The following PADI1 variants were observed in gnomAD, a reference collection of about 807,000 sequenced individuals.
PADI1 encodes protein-arginine deiminase type-1.
In PADI1, 65 loss-of-function variants were observed where a neutral mutation model predicts 74.8. The observed-to-expected ratio is 0.87, with a 90% CI of 0.71 to 1.07. The LOEUF (loss-of-function observed/expected upper bound fraction) is 1.07. Ranked by LOEUF, PADI1 falls within the 50% of genes least tolerant of loss-of-function variation. The pLI is 0.00. For synonymous variants in PADI1, 371 were observed against 336.2 expected (o/e 1.10, Z -1.13); for missense variants, 943 against 854.0 (o/e 1.10, Z -1.30).
In PADI1 at chr1:17,228,810, C is replaced by G. The variant is rs765522825; in HGVS notation, c.825+13C>G. On this transcript the variant is annotated intron_variant, in intron 7 of 15. Coordinates refer to ENST00000375471, the MANE Select transcript of PADI1 (RefSeq NM_013358.3). ...GGTGGACCCGGGGGTGTGTACAGCA[C>G]TGGGGGGTGGCCAAGGAGGCTGAGG... The G allele has an allele frequency of 3.1e-6, 5 of 1,611,156 alleles. No homozygotes were observed. In the Admixed American group the frequency reaches 6.7e-5, roughly 22 times the overall value.
chr1:17,205,310 G>A lies in PADI1; in HGVS notation c.92+1G>A. 1.9e-6 allele frequency: 3 copies of A among 1,612,912 alleles called. No individual in the cohort carries two copies. The highest frequency in any genetic ancestry group is 1.1e-5 in the South Asian group (1 of 91,058). ...TCGAGGCACATGTGGACATTCACAG[G>A]TAAGAGCTGGGAGGCGCTCTCCTGG... On this transcript the variant is annotated splice_donor_variant, in intron 1 of 15. Coordinates refer to ENST00000375471, the MANE Select transcript of PADI1 (RefSeq NM_013358.3). LOFTEE classifies it high-confidence loss of function.
chr1:17,214,532 CTG>C (rs2071922166), intron 1 of PADI1, among the ~76,000 whole-genome samples: 1 of 152,164 alleles, frequency 6.6e-6, no homozygotes, highest in Non-Finnish European at 1.5e-5. Context: ...CCTCACCTGA[CTG>C]TGCATTTGGG....
intron 11 of PADI1, among the ~76,000 whole-genome samples, chr1:17,236,659 T>A (rs2072648670): frequency 6.6e-6 from 1 of 151,154 alleles, no homozygotes; most frequent in Non-Finnish European, 1.5e-5. Flanking sequence ...GAGGCTGAGG[T>A]GGGAGGATCA....
chr1:17,219,284 G>T (rs2072068941), intron 1 of PADI1, among the ~76,000 whole-genome samples: 2 of 152,036 alleles, frequency 1.3e-5, no homozygotes, highest in Admixed American at 1.3e-4. Flanking sequence ...AGGGAAGAGG[G>T]AACATGAGGG....
At chr1:17,237,015 C>T (rs190587267) in intron 11 of PADI1, among the ~76,000 whole-genome samples, 2 of 152,198 alleles carry the variant, frequency 1.3e-5, no homozygotes, top group African/African-American at 2.4e-5. Flanking sequence ...AGAGCTTGGC[C>T]GAGCACGCTT....
rs555362414 is a variant in PADI1 at position 17,236,828 on chromosome 1, A to T, written c.1314-486A>T. 5.9e-5 allele frequency among the ~76,000 whole-genome samples: 9 copies of T among 152,230 alleles called. No individual in the cohort carries two copies. In the South Asian group the frequency reaches 1.9e-3, roughly 32 times the overall value. ...GAAGGAAGAGGAAGAAAGAGAAAAGAAGGAAAGAAAGAAGAGGCAGTTAAA... is the reference window on the plus strand; with the variant it reads ...GAAGGAAGAGGAAGAAAGAGAAAAGTAGGAAAGAAAGAAGAGGCAGTTAAA... On this transcript the variant is annotated intron_variant, in intron 11 of 15. Transcript: ENST00000375471.
chr1:17,218,403 C>G (rs1196743332), intron 1 of PADI1, among the ~76,000 whole-genome samples: 1 of 152,102 alleles, frequency 6.6e-6, no homozygotes, highest in African/African-American at 2.4e-5. Context: ...ACACCACTGC[C>G]TGGAGTTAGG....
At chr1:17,219,087 T>C (rs920258027) in intron 1 of PADI1, among the ~76,000 whole-genome samples, 6 of 152,188 alleles carry the variant, frequency 3.9e-5, no homozygotes, top group Middle Eastern at 3.2e-3. Flanking sequence ...TCAGCAGTCA[T>C]GAGTCCAAGT....
At chr1:17,214,371 G>T (rs1047941775) in intron 1 of PADI1, among the ~76,000 whole-genome samples, 5 of 152,132 alleles carry the variant, frequency 3.3e-5, no homozygotes, top group Non-Finnish European at 5.9e-5. Context: ...CAGCAGAGAT[G>T]GGGGAGCAGC....
chr1:17,245,674 G>T lies in PADI1; in HGVS notation c.*1431G>T, dbSNP rs2072868251. On this transcript the variant is annotated 3_prime_UTR_variant, in exon 16 of 16. Coordinates refer to ENST00000375471, the MANE Select transcript of PADI1 (RefSeq NM_013358.3). The surrounding 1 kb of genome is among the most constrained non-coding windows in gnomAD (Gnocchi z 4.1). ...GGAACCTGAAAATCCCCTTCTGGAA[G>T]GTTCTACAGAACTCTATTTGCAAGC... The T allele has an allele frequency of 6.6e-6, 1 of 152,202 alleles. No homozygotes were observed. The highest frequency in any genetic ancestry group is 1.5e-5 in the Non-Finnish European group (1 of 68,054). 9.4% of individuals were successfully genotyped at this position (152,202 alleles called of 1,614,324 possible).
At chr1:17,240,832 G>A in intron 15 of PADI1, 72 bp downstream of exon 15, 1 of 1,539,328 alleles carries the variant, frequency 6.5e-7, no homozygotes, top group Non-Finnish European at 8.8e-7. Flanking sequence ...CTGGCCCAGG[G>A]CAGGCTGGTG....
chr1:17,226,147 T>G lies in PADI1; in HGVS notation c.641T>G (p.Phe214Cys), dbSNP rs2072304446. 1.2e-6 allele frequency: 2 copies of G among 1,614,194 alleles called. No individual in the cohort carries two copies. The highest frequency in any genetic ancestry group is 4.5e-5 in the East Asian group (2 of 44,884). Reference sequence around the variant, plus strand: ...TCTGATTCCAAAAGAGTGAGGGTCTTCTGTGCCAGGGGTGAGTGGCCTGAT... The same window carrying G: ...TCTGATTCCAAAAGAGTGAGGGTCTGCTGTGCCAGGGGTGAGTGGCCTGAT... ...PFSDSKRVRVFCARGGNSLSD... is the reference protein window; with the variant it reads ...PFSDSKRVRVCCARGGNSLSD... Residue 214 changes from phenylalanine (F) to cysteine (C), a missense_variant, in exon 6 of 16, where the codon TTC (phenylalanine) becomes TGC (cysteine). Phe to Cys is a radical substitution (Grantham distance 205). Coordinates refer to ENST00000375471, the MANE Select transcript of PADI1 (RefSeq NM_013358.3).
At chr1:17,209,726 G>C (rs2071786837) in intron 1 of PADI1, among the ~76,000 whole-genome samples, 1 of 152,166 alleles carries the variant, frequency 6.6e-6, no homozygotes, top group Admixed American at 6.5e-5. Flanking sequence ...ACTTCCAGCT[G>C]GTCTTTGCAG....
rs2072248233 is a variant in PADI1, at chr1:17,224,325, G to A, written c.347-42G>A. 2.5e-6 allele frequency: 4 copies of A among 1,578,594 alleles called. No homozygotes were observed. The African/African-American group carries it at 5.4e-5, about 21-fold the overall frequency. On this transcript the variant is annotated intron_variant, in intron 3 of 15. Transcript: ENST00000375471. ...CTGGACTTTAGGGGTGTGAAGATGG[G>A]GCTGGATGAGCCCCTGGCAGCCCCT...
intron 1 of PADI1, among the ~76,000 whole-genome samples, chr1:17,214,957 T>C (rs1465523420): frequency 3.3e-5 from 5 of 152,214 alleles, no homozygotes; most frequent in Non-Finnish European, 7.4e-5. Context: ...TGCCTCTTCC[T>C]GGTGGTTTTC....
rs1379008719 is a variant in PADI1 at position 17,229,250 on chromosome 1, A to T, written c.929+199A>T. ...CTGACCCACCCTGCCCTGTGCAGCT[A>T]AGGCCTCTCCCAGGTCACTGGCTCA... On this transcript the variant is annotated intron_variant, in intron 8 of 15. Coordinates refer to ENST00000375471, the MANE Select transcript of PADI1 (RefSeq NM_013358.3). 4.9e-4 allele frequency among the ~76,000 whole-genome samples: 75 copies of T among 151,962 alleles called. 2 individuals are homozygous for T. Among genetic ancestry groups the T allele is most frequent in the Non-Finnish European group, 1.5e-5 (1 of 67,960 alleles).
rs1188575703 is a variant in PADI1, at chr1:17,239,774, T to C, written c.1623T>C (p.Leu541=). ...ACAGACACCTCCAGAGAGACAATCT[T>C]CATGCACAGGTGAGAGGCAGGACCA... ...LADRHLQRDN[L]HAQKCIDWNR... The change falls in exon 14 of 16, where the codon CTT becomes CTC. Residue 541 remains leucine (L), a synonymous_variant. Coordinates refer to ENST00000375471, the MANE Select transcript of PADI1 (RefSeq NM_013358.3). 6.2e-7 allele frequency: 1 copy of C among 1,612,870 alleles called. No individual in the cohort carries two copies. The highest frequency in any genetic ancestry group is 1.7e-5 in the Admixed American group (1 of 59,992).
Position 17,225,706 on chromosome 1 carries a change from T to C in PADI1, c.409-105T>C, listed in dbSNP as rs75772977. 2.5e-5 allele frequency: 19 copies of C among 771,770 alleles called. No individual in the cohort carries two copies. In the East Asian group the frequency reaches 4.7e-4, roughly 19 times the overall value. The allele number at this position is 771,770 out of a possible 1,614,324, so 47.8% of individuals were successfully genotyped here. On this transcript the variant is annotated intron_variant, in intron 4 of 15. Coordinates refer to ENST00000375471, the MANE Select transcript of PADI1 (RefSeq NM_013358.3). ...AAAATCTTTAAGCAAACTAAAAATA[T>C]GAAAATCTATAATCTAATAAAGCAG...
intron 12 of PADI1, 62 bp downstream of exon 12, chr1:17,237,520 C>A: frequency 6.8e-7 from 1 of 1,474,004 alleles, no homozygotes; most frequent in South Asian, 1.4e-5. Flanking sequence ...TGGGATGAGT[C>A]AGGGCAAAGC....
Sources: allele counts gnomAD v4.1 joint callset (sites outside exome capture counted in the v4.1 genomes callset), GRCh38; gene constraint gnomAD v4.1.1; non-coding constraint Gnocchi (gnomAD v3.1); transcripts MANE v1.5; gene names NCBI Gene and HGNC (gene_info 2026-07-23, HGNC 2026-07-21).